SLC8B1: variants seen among roughly 807,000 people sequenced by gnomAD.
The protein encoded by SLC8B1 is mitochondrial sodium/calcium exchanger protein.
SLC8B1 carries 52 observed loss-of-function variants against 63.4 expected under a neutral mutation model. The ratio of observed to expected loss-of-function variants is 0.82; its 90% CI spans 0.66 to 1.03. SLC8B1 has a LOEUF of 1.03. Ranked by LOEUF, SLC8B1 falls within the 50% of genes least tolerant of loss-of-function variation. The pLI is 0.00. For missense variants in SLC8B1, 657 were observed against 741.7 expected (o/e 0.89, Z 1.33); for synonymous variants, 336 against 323.9 (o/e 1.04, Z -0.40).
chr12:113,308,874 G>C (rs61932118), intron 12 of SLC8B1: 4 of 151,914 alleles, frequency 2.6e-5, no homozygotes, highest in African/African-American at 9.6e-5. Context: ...TTTTTTTTAG[G>C]ACGATGTCTC....
At chr12:113,330,635 G>A (rs1345848484) in intron 2 of SLC8B1, among the ~76,000 whole-genome samples, 2 of 152,196 alleles carry the variant, frequency 1.3e-5, no homozygotes, top group Non-Finnish European at 2.9e-5. Flanking sequence ...CCCCCAAGGA[G>A]CACGCTCCAA....
chr12:113,333,828 C>G (rs937956657), intron 1 of SLC8B1, among the ~76,000 whole-genome samples: 37 of 152,226 alleles, frequency 2.4e-4, no homozygotes, highest in African/African-American at 8.7e-4. Flanking sequence ...CCTGCCTCAG[C>G]CTCCCGAGTA....
chr12:113,316,438 C>G, intron 10 of SLC8B1, 88 bp downstream of exon 10: 1 of 1,507,426 alleles, frequency 6.6e-7, no homozygotes, highest in Non-Finnish European at 9.0e-7. Context: ...GACCCCAGGC[C>G]CTCCCCCTCG....
In SLC8B1 at chr12:113,321,175, C is replaced by A. The variant is rs535381162; in HGVS notation, c.309+21G>T. ...TGGAGACACCAGCCCCTCTCACCAG[C>A]CCCCCAGGGCAGGGCCTCACGTAGA... is the stretch of plus-strand genomic sequence containing the variant. On this transcript the variant is annotated intron_variant, in intron 3 of 15. Transcript: ENST00000680972. 12 of 1,613,880 alleles carry A rather than the reference C, an allele frequency of 7.4e-6. No individual in the cohort carries two copies. The African/African-American group carries it at 8.0e-5, about 11-fold the overall frequency.
chr12:113,307,769 G>GC lies in SLC8B1; in HGVS notation c.1332dup (p.Arg445AlafsTer131). 6.2e-7 allele frequency: 1 copy of GC among 1,613,896 alleles called. No homozygotes were observed. The highest frequency in any genetic ancestry group is 1.1e-5 in the South Asian group (1 of 91,074). On this transcript the variant is annotated frameshift_variant, in exon 13 of 16. Coordinates refer to ENST00000680972, the MANE Select transcript of SLC8B1 (RefSeq NM_001358345.2). LOFTEE classifies it high-confidence loss of function. ...AGCCGGAAGACCACACCCAGGGACC[G>GC]CAAGATGTTCACCACCTCTGTGGCG...
At chr12:113,324,492 C>T (rs1181039665) in intron 2 of SLC8B1, among the ~76,000 whole-genome samples, 1 of 150,574 alleles carries the variant, frequency 6.6e-6, no homozygotes, top group East Asian at 1.9e-4. Flanking sequence ...CTGAAACCTC[C>T]ACCTCTCGGG....
chr12:113,304,911 A>C (rs57554969), intron 14 of SLC8B1, among the ~76,000 whole-genome samples: 33,162 of 152,170 alleles, frequency 0.22, 4,097 homozygotes, highest in African/African-American at 0.33. Context: ...ACTTACAAAA[A>C]AAAATGAATT....
intron 12 of SLC8B1, among the ~76,000 whole-genome samples, chr12:113,309,823 G>A (rs1173269306): frequency 6.6e-6 from 1 of 152,084 alleles, no homozygotes; most frequent in Admixed American, 6.6e-5. Context: ...CAAACCCATA[G>A]AGACGCGGAG....
chr12:113,320,765 C>T lies in SLC8B1; in HGVS notation c.421-79G>A. The T allele has an allele frequency of 6.3e-7, 1 of 1,577,876 alleles. No individual in the cohort carries two copies. Among genetic ancestry groups the T allele is most frequent in the Non-Finnish European group, 8.6e-7 (1 of 1,161,316 alleles). On this transcript the variant is annotated intron_variant, in intron 5 of 15. Transcript: ENST00000680972. This position sits in a 1 kb window ranked among gnomAD's most constrained non-coding sequence, Gnocchi z 5.3. ...CTTCGACCCTATCCCCCAGCTTCCCCACACGGGGATAGACATGACCCTATC... is the reference window on the plus strand; with the variant it reads ...CTTCGACCCTATCCCCCAGCTTCCCTACACGGGGATAGACATGACCCTATC...
At position 113,325,651 on chromosome 12, in the gene SLC8B1, G is replaced by A. The variant is rs145475187; in HGVS notation, c.157-4303C>T. On this transcript the variant is annotated intron_variant, in intron 2 of 15. Coordinates refer to ENST00000680972, the MANE Select transcript of SLC8B1 (RefSeq NM_001358345.2). ...GCTATCTCGGCTCACGGCAAGTTCC[G>A]CCTCCCAGGTTCACACCATTCTCCT... Among the ~76,000 whole-genome samples the A allele has an allele frequency of 3.9e-3, 579 of 149,168 alleles. 8 individuals carry two copies. Among genetic ancestry groups the A allele is most frequent in the African/African-American group, 0.012 (471 of 40,246 alleles).
chr12:113,327,762 C>T (rs1334472606), intron 2 of SLC8B1, among the ~76,000 whole-genome samples: 1 of 150,998 alleles, frequency 6.6e-6, no homozygotes, highest in East Asian at 2.0e-4. Flanking sequence ...GCAGGTGGAT[C>T]ACCTGAGGTC....
rs747549967 is a variant in SLC8B1, at chr12:113,306,557, G to A, written c.1430C>T (p.Thr477Ile). The change falls in exon 14 of 16, where the codon ACA becomes ATA. Residue 477 changes from threonine to isoleucine, a missense_variant. Transcript: ENST00000680972. ...NSIGDAFSDFTLARQGYPRMA... is the reference protein window; with the variant it reads ...NSIGDAFSDFILARQGYPRMA... ...CCGTGGGTAGCCCTGGCGAGCCAGT[G>A]TGAAATCCGAGAAGGCATCTGCACA... is the stretch of plus-strand genomic sequence containing the variant. The A allele has an allele frequency of 1.9e-6, 3 of 1,613,912 alleles. No homozygotes were observed. Among genetic ancestry groups the A allele is most frequent in the African/African-American group, 2.7e-5 (2 of 74,944 alleles).
chr12:113,303,627 A>C (rs1185302726), intron 15 of SLC8B1, among the ~76,000 whole-genome samples: 2 of 152,122 alleles, frequency 1.3e-5, no homozygotes, highest in Non-Finnish European at 2.9e-5. Flanking sequence ...TTTTGTTTGC[A>C]TGTGAGGCAG....
intron 8 of SLC8B1, among the ~76,000 whole-genome samples, chr12:113,317,427 G>A (rs1956849201): frequency 1.3e-5 from 2 of 152,176 alleles, no homozygotes; most frequent in Admixed American, 1.3e-4. Context: ...CTAGCAGTCT[G>A]CATGCGTGCT....
At chr12:113,325,608 A>G (rs1956987433) in intron 2 of SLC8B1, among the ~76,000 whole-genome samples, 1 of 143,270 alleles carries the variant, frequency 7.0e-6, no homozygotes, top group Non-Finnish European at 1.5e-5. Context: ...TCTTTCGCCC[A>G]GGCCAGACTG....
intron 15 of SLC8B1, among the ~76,000 whole-genome samples, chr12:113,302,881 AAGTGTTT>A (rs1453064576): frequency 6.6e-6 from 1 of 152,184 alleles, no homozygotes; most frequent in East Asian, 1.9e-4. Context: ...TACAATAGGT[AAGTGTTT>A]CAAAGCGACT....
chr12:113,313,864 G>T (rs2136839809), intron 11 of SLC8B1, among the ~76,000 whole-genome samples: 1 of 152,234 alleles, frequency 6.6e-6, no homozygotes, highest in South Asian at 2.1e-4. Flanking sequence ...ACAAAAATTA[G>T]CCAAGCATGG....
intron 2 of SLC8B1, among the ~76,000 whole-genome samples, chr12:113,330,088 C>G (rs572834627): frequency 1.3e-5 from 2 of 152,264 alleles, no homozygotes; most frequent in East Asian, 3.9e-4. Flanking sequence ...AAAGCAGCAC[C>G]CCCCTCCCCC....
At position 113,320,728 on chromosome 12, in the gene SLC8B1, G is replaced by A. The variant is rs1956914554; in HGVS notation, c.421-42C>T. 1.3e-6 allele frequency: 2 copies of A among 1,595,370 alleles called. No homozygotes were observed. Among genetic ancestry groups the A allele is most frequent in the Non-Finnish European group, 1.7e-6 (2 of 1,170,674 alleles). ...AAGGCGGGCCAGGATCGCAGCTGCA[G>A]CCCACCCAGGCCTTCGACCCTATCC... On this transcript the variant is annotated intron_variant, in intron 5 of 15. Transcript: ENST00000680972. The surrounding 1 kb of genome is among the most constrained non-coding windows in gnomAD (Gnocchi z 5.3).
Sources: allele counts gnomAD v4.1 joint callset (sites outside exome capture counted in the v4.1 genomes callset), GRCh38; gene constraint gnomAD v4.1.1; non-coding constraint Gnocchi (gnomAD v3.1); transcripts MANE v1.5; gene names NCBI Gene and HGNC (gene_info 2026-07-23, HGNC 2026-07-21).